NBAS: variants seen among roughly 807,000 people sequenced by gnomAD.
NBAS encodes NBAS subunit of NRZ tethering complex.
A neutral mutation model predicts 302.5 loss-of-function variants in NBAS; 219 were observed. The ratio of observed to expected loss-of-function variants is 0.72; its 90% confidence interval spans 0.65 to 0.81. The LOEUF is 0.81. Among genes scored for constraint, NBAS ranks in the 30% least tolerant of loss-of-function variants. The pLI, the probability that NBAS is intolerant of heterozygous loss-of-function variation, is 0.00. For missense variants in NBAS, 2,932 were observed against 2,841.6 expected, an observed-to-expected ratio of 1.03 and a Z score of -0.72; for synonymous variants, 1,118 against 1,021.6, an observed-to-expected ratio of 1.09 and a Z score of -1.80.
At chr2:14,832,106 T>C in the NBAS span, among the ~76,000 whole-genome samples, 1 of 152,126 alleles carries the variant, frequency 6.6e-6, no homozygotes, top group African/African-American at 2.4e-5. Context: ...TGTTTTCACC[T>C]ATGTATTTCT....
chr2:15,345,954 T>C (rs1442416088), intron 35 of NBAS, among the ~76,000 whole-genome samples: 1 of 152,150 alleles, frequency 6.6e-6, no homozygotes, highest in Non-Finnish European at 1.5e-5. Flanking sequence ...GCTAGCCATA[T>C]GAGGAAAACT....
intron 10 of NBAS, among the ~76,000 whole-genome samples, chr2:15,506,795 CA>C (rs1005712911): frequency 3.3e-5 from 5 of 150,576 alleles, no homozygotes; most frequent in East Asian, 1.9e-4. Flanking sequence ...AACAAAACAA[CA>C]AAAAAAAGAA....
intron 21 of NBAS, among the ~76,000 whole-genome samples, chr2:15,436,570 C>T (rs1344157422): frequency 6.6e-6 from 1 of 152,084 alleles, no homozygotes; most frequent in African/African-American, 2.4e-5. Flanking sequence ...AAATATGGCA[C>T]GTTAACCTCA....
chr2:15,379,600 A>G lies in NBAS; in HGVS notation c.3590+2T>C. On this transcript the variant is annotated splice_donor_variant, in intron 30 of 51. Transcript: ENST00000281513. LOFTEE classifies it high-confidence loss of function. ...TTAGGGAAGAATATAGAGTTATTCT[A>G]CCTGGCTAGATCCATGCAGCTATCA... is the stretch of plus-strand genomic sequence containing the variant. 6.2e-7 allele frequency: 1 copy of G among 1,612,996 alleles called. No homozygotes were observed. Among genetic ancestry groups the G allele is most frequent in the Non-Finnish European group, 8.5e-7 (1 of 1,179,178 alleles).
intron 40 of NBAS, among the ~76,000 whole-genome samples, chr2:15,295,147 A>G (rs1289823728): frequency 1.3e-5 from 2 of 152,220 alleles, no homozygotes; most frequent in Non-Finnish European, 2.9e-5. Context: ...CCTCAATGGT[A>G]GAACCCCTGC....
At chr2:15,491,199 C>T (rs1464792242) in intron 11 of NBAS, among the ~76,000 whole-genome samples, 1 of 152,202 alleles carries the variant, frequency 6.6e-6, no homozygotes, top group African/African-American at 2.4e-5. Flanking sequence ...CTCCATGAAG[C>T]AGGTCATAAA....
Position 15,366,293 on chromosome 2 carries a change from T to C in NBAS, c.3817+287A>G, listed in dbSNP as rs116228586. 6.9e-3 allele frequency among the ~76,000 whole-genome samples: 1,053 copies of C among 152,280 alleles called. 8 individuals are homozygous for C. The highest frequency in any genetic ancestry group is 0.014 in the Middle Eastern group (4 of 294). Reference sequence around the variant, plus strand: ...TGAGGCACCCTGAATAAGCTTGTCTTCGTTTAAGTAATAGATAGTTCCAGA... The same window carrying C: ...TGAGGCACCCTGAATAAGCTTGTCTCCGTTTAAGTAATAGATAGTTCCAGA... On this transcript the variant is annotated intron_variant, in intron 32 of 51. Transcript: ENST00000281513.
At chr2:14,856,616 A>T in the NBAS span, among the ~76,000 whole-genome samples, 1 of 152,190 alleles carries the variant, frequency 6.6e-6, no homozygotes, top group Non-Finnish European at 1.5e-5. Flanking sequence ...AAATAATTAA[A>T]GAGAATTAAG....
chr2:15,342,505 C>T (rs943304899), intron 35 of NBAS, among the ~76,000 whole-genome samples: 7 of 151,890 alleles, frequency 4.6e-5, no homozygotes, highest in Non-Finnish European at 8.8e-5. Context: ...TAATAAACCT[C>T]CAGGAGACAG....
rs772669847 is a variant in NBAS, at chr2:15,167,073, A to C, written c.7091T>G (p.Leu2364Arg). The C allele has an allele frequency of 6.2e-7, 1 of 1,601,196 alleles. No individual in the cohort carries two copies. Residue 2364 changes from leucine to arginine, a missense_variant, in exon 52 of 52, where the codon CTC (leucine) becomes CGC (arginine). Coordinates refer to ENST00000281513, the MANE Select transcript of NBAS (RefSeq NM_015909.4). ...TCACACCCAGTGCTGTGCTGCGCGGAGGGCTGTACTGAAGGTTCTGAAGGC... is the reference window on the plus strand; with the variant it reads ...TCACACCCAGTGCTGTGCTGCGCGGCGGGCTGTACTGAAGGTTCTGAAGGC... The part of the protein sequence containing the change: ...HQAFRTFSTA[L>R]RAAQHWV
the NBAS span, among the ~76,000 whole-genome samples, chr2:14,985,812 T>TA: frequency 2.6e-5 from 4 of 152,146 alleles, no homozygotes; most frequent in African/African-American, 7.2e-5. Flanking sequence ...TGCTTTAATA[T>TA]AAAAAAATCA....
Position 15,287,141 on chromosome 2 carries a change from T to A in NBAS, c.5070A>T (p.Ala1690=). The change falls in exon 42 of 52, where the codon GCA becomes GCT. Residue 1690 remains alanine (A), a synonymous_variant. Coordinates refer to ENST00000281513, the MANE Select transcript of NBAS (RefSeq NM_015909.4). ...CCCAGCGGGAGACACTGTAACGTTG[T>A]GCCAGAGAAATAGCAATGCTGTAGA... The part of the protein sequence containing the change: ...ESVYSIAISL[A]QRYSVSRWEV... The A allele has an allele frequency of 1.2e-6, 2 of 1,614,098 alleles. No homozygotes were observed. The highest frequency in any genetic ancestry group is 1.7e-6 in the Non-Finnish European group (2 of 1,179,964).
At chr2:15,416,534 T>C (rs1260811928) in intron 24 of NBAS, among the ~76,000 whole-genome samples, 8 of 151,756 alleles carry the variant, frequency 5.3e-5, no homozygotes. Context: ...CCAGGAGAGG[T>C]GGCTCACGCC....
chr2:15,561,234 T>A lies in NBAS; in HGVS notation c.71A>T (p.Tyr24Phe). 6.2e-7 allele frequency: 1 copy of A among 1,613,988 alleles called. No homozygotes were observed. Among genetic ancestry groups the A allele is most frequent in the Non-Finnish European group, 8.5e-7 (1 of 1,180,020 alleles). ...TAEGEEETIL[Y>F]DLLVNTEWPP... is the part of the protein sequence containing the mutation. ...CCACTCGGTGTTGACCAACAAGTCATAGAGAATCGTCTCCTCCTCACCCTC... is the reference window on the plus strand; with the variant it reads ...CCACTCGGTGTTGACCAACAAGTCAAAGAGAATCGTCTCCTCCTCACCCTC... The change falls in exon 1 of 52, where the codon TAT becomes TTT. Residue 24 changes from tyrosine (Y) to phenylalanine (F), a missense_variant. Physicochemically the swap from Tyr to Phe is conservative, Grantham distance 22. Coordinates refer to ENST00000281513, the MANE Select transcript of NBAS (RefSeq NM_015909.4).
intron 11 of NBAS, among the ~76,000 whole-genome samples, chr2:15,501,919 C>G (rs992031237): frequency 6.6e-6 from 1 of 152,148 alleles, no homozygotes; most frequent in East Asian, 1.9e-4. Context: ...TAAGCCACCA[C>G]GCCAGGCTAA....
the NBAS span, among the ~76,000 whole-genome samples, chr2:15,001,731 C>A: frequency 5.3e-5 from 8 of 152,148 alleles, no homozygotes; most frequent in African/African-American, 1.9e-4. Flanking sequence ...GGAGTTTGTT[C>A]CTTCTGATGT....
chr2:15,131,685 T>C, the NBAS span, among the ~76,000 whole-genome samples: 61 of 152,312 alleles, frequency 4.0e-4, no homozygotes, highest in African/African-American at 1.4e-3. Flanking sequence ...ATTAAGCAAT[T>C]CTTGCATTGC....
chr2:15,556,444 T>A (rs1664649821), intron 3 of NBAS, among the ~76,000 whole-genome samples: 1 of 152,130 alleles, frequency 6.6e-6, no homozygotes, highest in Non-Finnish European at 1.5e-5. Flanking sequence ...TAACCACAAG[T>A]GAGATGACAT....
At chr2:15,034,814 G>C in the NBAS span, among the ~76,000 whole-genome samples, 1 of 152,098 alleles carries the variant, frequency 6.6e-6, no homozygotes. Context: ...TGTAATACCA[G>C]CCCTTCCTCA....
Sources: gnomAD v4.1 joint callset for allele counts (sites outside exome capture counted in the v4.1 genomes callset) on GRCh38, gnomAD v4.1.1 for gene constraint, MANE v1.5 for transcripts, NCBI Gene and HGNC (gene_info 2026-07-23, HGNC 2026-07-21) for gene names.